Variants in DNAJC6 observed in about 807,000 individuals in gnomAD.
DNAJC6 encodes the protein auxilin.
Under a neutral mutation model 110.0 loss-of-function variants are expected in DNAJC6, and 34 were observed. The ratio of observed to expected loss-of-function variants is 0.31; its 90% CI spans 0.24 to 0.41. The LOEUF (loss-of-function observed/expected upper bound fraction) is 0.41, where lower values mean the gene tolerates loss of function less well. DNAJC6 is among the 10% of genes least tolerant of loss of function. The pLI is 1.00. For synonymous variants in DNAJC6, 406 were observed against 437.2 expected (o/e 0.93, Z 0.89); for missense variants, 1,031 against 1,207.8 (o/e 0.85, Z 2.17).
chr1:65,272,770 CCT>C (rs1653549262), intron 1 of DNAJC6, among the ~76,000 whole-genome samples: 1 of 152,192 alleles, frequency 6.6e-6, no homozygotes, highest in Non-Finnish European at 1.5e-5. Context: ...GAACTCCTGA[CCT>C]CAAGTGATCC....
chr1:65,354,928 G>A (rs574024627), intron 1 of DNAJC6, among the ~76,000 whole-genome samples: 1 of 152,058 alleles, frequency 6.6e-6, no homozygotes, highest in South Asian at 2.1e-4. Flanking sequence ...CCATTTCCGG[G>A]CCATGGTTTG....
At chr1:65,279,523 GTTAATA>G (rs746412993) in intron 1 of DNAJC6, 5 of 151,968 alleles carry the variant, frequency 3.3e-5, no homozygotes, top group Non-Finnish European at 5.9e-5. Context: ...ATATTAATAT[GTTAATA>G]TTAATGTTAA....
At chr1:65,368,976 G>A (rs1308889297) in intron 4 of DNAJC6, among the ~76,000 whole-genome samples, 2 of 151,880 alleles carry the variant, frequency 1.3e-5, no homozygotes, top group South Asian at 2.1e-4. Flanking sequence ...TGCCATCTTG[G>A]CCAGGCTGGT....
In DNAJC6 at chr1:65,284,063, C is replaced by T. The variant is rs965614644; in HGVS notation, c.-131+19131C>T. Among the ~76,000 whole-genome samples, 6 of 152,232 alleles carry T rather than the reference C, an allele frequency of 3.9e-5. No individual in the cohort carries two copies. In the East Asian group the frequency reaches 5.8e-4, roughly 15 times the overall value. ...CGGGGTCCCCTTTTTACCTCAGAAT[C>T]GCTTTATCTCAATCCTGCCATCTTC... On this transcript the variant is annotated intron_variant, in intron 1 of 19. Transcript: ENST00000263441.
At chr1:65,403,657 A>G (rs1260469290) in intron 15 of DNAJC6, among the ~76,000 whole-genome samples, 3 of 152,254 alleles carry the variant, frequency 2.0e-5, no homozygotes, top group Admixed American at 2.0e-4. Context: ...TCTAATGCAC[A>G]ATCAAGGTTG....
At chr1:65,331,155 A>G (rs1481068682) in intron 1 of DNAJC6, among the ~76,000 whole-genome samples, 2 of 152,312 alleles carry the variant, frequency 1.3e-5, no homozygotes, top group Non-Finnish European at 2.9e-5. Context: ...GTTGGCAAAT[A>G]GCAGTCTCTA....
At position 65,395,047 on chromosome 1, in the gene DNAJC6, T is replaced by C; in HGVS notation, c.2038+15T>C. ...CACAGTACATGGTAAGGAAATATTT[T>C]ATATTGTGTTCAGTGGAACATAGTT... On this transcript the variant is annotated intron_variant, in intron 13 of 18. Transcript: ENST00000371069. 6.3e-7 allele frequency: 1 copy of C among 1,597,602 alleles called. No individual in the cohort carries two copies. The highest frequency in any genetic ancestry group is 1.4e-5 in the African/African-American group (1 of 73,658).
At chr1:65,294,102 G>A (rs1644905620) in intron 1 of DNAJC6, among the ~76,000 whole-genome samples, 1 of 152,170 alleles carries the variant, frequency 6.6e-6, no homozygotes, top group Non-Finnish European at 1.5e-5. Context: ...TTGTGAAAAG[G>A]TTCAGAGAAA....
intron 13 of DNAJC6, 53 bp from the exon 14 acceptor site, chr1:65,398,760 A>T (rs1422528353): frequency 1.3e-6 from 2 of 1,592,316 alleles, no homozygotes; most frequent in Non-Finnish European, 1.7e-6. Context: ...GAACTCAGAA[A>T]AGTGGGTTCT....
rs937604198 is a variant in DNAJC6, at chr1:65,405,915, G to A, written c.2273G>A (p.Gly758Asp). ...AAACCCACCACACCAACTGGATTGG[G>A]TGGAGGATTCCCGCCTCTCAGCTCG... ...ASKPTTPTGL[G>D]GGFPPLSSPQ... The change falls in exon 16 of 19, where the codon GGT becomes GAT. Residue 758 changes from glycine to aspartate, a missense_variant. Gly to Asp is a moderately conservative substitution (Grantham distance 94, BLOSUM62 -1). Coordinates refer to ENST00000371069, the MANE Select transcript of DNAJC6 (RefSeq NM_001256864.2). 1.5e-5 allele frequency: 24 copies of A among 1,613,744 alleles called. No individual in the cohort carries two copies. Among genetic ancestry groups the A allele is most frequent in the Middle Eastern group, 1.6e-4 (1 of 6,082 alleles).
rs74764711 is a variant in DNAJC6, at chr1:65,407,390, C to T, written c.2492-1251C>T. Among the ~76,000 whole-genome samples, 686 of 152,244 alleles carry T rather than the reference C, an allele frequency of 4.5e-3. 2 individuals carry two copies. Among genetic ancestry groups the T allele is most frequent in the African/African-American group, 0.014 (570 of 41,536 alleles). The stretch of plus-strand genomic sequence containing the variant: ...ATTTCTTATAATCTTCAAAACCAAC[C>T]GCATATCATAGGAAGCTGTGACACA... On this transcript the variant is annotated intron_variant, in intron 16 of 18. Coordinates refer to ENST00000371069, the MANE Select transcript of DNAJC6 (RefSeq NM_001256864.2).
In DNAJC6 at chr1:65,388,514, C is replaced by G. The variant is rs906648670; in HGVS notation, c.1193+99C>G. The G allele has an allele frequency of 4.6e-6, 5 of 1,090,800 alleles. No homozygotes were observed. The African/African-American group carries it at 6.2e-5, about 13-fold the overall frequency. The allele number at this position is 1,090,800 out of a possible 1,614,324, so 67.6% of individuals were successfully genotyped here. On this transcript the variant is annotated intron_variant, in intron 9 of 18. Coordinates refer to ENST00000371069, the MANE Select transcript of DNAJC6 (RefSeq NM_001256864.2). ...CTGTAGCATACCCTGGAATCCTGTGCTGCTGAACTACTGAGTGTCACTCAG... is the reference window on the plus strand; with the variant it reads ...CTGTAGCATACCCTGGAATCCTGTGGTGCTGAACTACTGAGTGTCACTCAG...
intron 4 of DNAJC6, among the ~76,000 whole-genome samples, chr1:65,371,009 A>T (rs879273770): frequency 1.3e-5 from 2 of 152,240 alleles, no homozygotes; most frequent in African/African-American, 2.4e-5. Context: ...CTGGAGTGAA[A>T]AAAACAATCC....
chr1:65,294,406 A>G (rs868758330), intron 1 of DNAJC6, among the ~76,000 whole-genome samples: 5 of 152,208 alleles, frequency 3.3e-5, no homozygotes, highest in Non-Finnish European at 5.9e-5. Context: ...GTTGTTGACT[A>G]TGAAAAAAAA....
At chr1:65,365,551 C>T (rs1290848493) in intron 2 of DNAJC6, among the ~76,000 whole-genome samples, 1 of 152,102 alleles carries the variant, frequency 6.6e-6, no homozygotes, top group East Asian at 1.9e-4. Flanking sequence ...TAGCCACTTA[C>T]AATTATGGAA....
At chr1:65,325,651 T>G (rs1161540476) in intron 1 of DNAJC6, among the ~76,000 whole-genome samples, 1 of 152,240 alleles carries the variant, frequency 6.6e-6, no homozygotes, top group Admixed American at 6.5e-5. Flanking sequence ...GGATTCCTTT[T>G]CTCAATATAG....
chr1:65,401,921 A>G (rs375497992), intron 15 of DNAJC6, 41 bp downstream of exon 15: 1 of 1,609,742 alleles, frequency 6.2e-7, no homozygotes, highest in Non-Finnish European at 8.5e-7. Flanking sequence ...ACATTTATTT[A>G]TAGCTATAAA....
At chr1:65,376,625 A>C (rs1205673948) in intron 4 of DNAJC6, among the ~76,000 whole-genome samples, 1 of 151,540 alleles carries the variant, frequency 6.6e-6, no homozygotes, top group African/African-American at 2.4e-5. Flanking sequence ...TTCCTTCCTA[A>C]TTTCTTCATT....
intron 1 of DNAJC6, among the ~76,000 whole-genome samples, chr1:65,288,781 T>A (rs1169503302): frequency 6.6e-6 from 1 of 152,220 alleles, no homozygotes; most frequent in Non-Finnish European, 1.5e-5. Flanking sequence ...TAGTATATGA[T>A]CTTTTGCTCT....
Sources: gnomAD v4.1 joint callset for allele counts (sites outside exome capture counted in the v4.1 genomes callset) on GRCh38, gnomAD v4.1.1 for gene constraint, MANE v1.5 for transcripts, NCBI Gene and HGNC (gene_info 2026-07-23, HGNC 2026-07-21) for gene names.